The following PIEZO2 variants were observed in gnomAD, a reference collection of about 807,000 sequenced individuals.
PIEZO2 encodes the protein piezo-type mechanosensitive ion channel component 2.
In PIEZO2, 172 loss-of-function variants were observed where a neutral mutation model predicts 337.3. That is an observed-to-expected ratio of 0.51 (90% CI 0.45 to 0.58). The LOEUF (loss-of-function observed/expected upper bound fraction) is 0.58, where lower values mean the gene tolerates loss of function less well. Ranked by LOEUF, PIEZO2 falls within the 20% of genes least tolerant of loss-of-function variation. The probability of loss-of-function intolerance (pLI) is 0.00; values close to 1 mark genes in which losing one functional copy is unlikely to be tolerated. For missense variants in PIEZO2, 3,028 were observed against 3,391.3 expected, an observed-to-expected ratio of 0.89 and a Z score of 2.66; for synonymous variants, 1,251 against 1,228.5, an observed-to-expected ratio of 1.02 and a Z score of -0.38.
At chr18:10,801,950 G>A (rs2039832108) in intron 9 of PIEZO2, among the ~76,000 whole-genome samples, 2 of 151,816 alleles carry the variant, frequency 1.3e-5, no homozygotes, top group South Asian at 2.1e-4. Flanking sequence ...GCCGGGCGTC[G>A]TGGTGGGTGC....
intron 3 of PIEZO2, among the ~76,000 whole-genome samples, chr18:10,956,533 T>C (rs1285455002): frequency 2.0e-5 from 3 of 152,212 alleles, no homozygotes; most frequent in Non-Finnish European, 4.4e-5. Context: ...AAAAATTATC[T>C]TAAAATTTGT....
chr18:11,148,498 T>C lies in PIEZO2; in HGVS notation c.64+27A>G, dbSNP rs959370403. ...AGGCGCCCCCCTCGTCCTCCTCAAG[T>C]GCCCTCGGAAAGCGGACCAGACTCA... is the stretch of plus-strand genomic sequence containing the variant. On this transcript the variant is annotated intron_variant, in intron 1 of 55. Coordinates refer to ENST00000674853, the MANE Select transcript of PIEZO2 (RefSeq NM_001378183.1). This position sits in a 1 kb window ranked among gnomAD's most constrained non-coding sequence, Gnocchi z 5.2. The C allele has an allele frequency of 6.5e-7, 1 of 1,536,648 alleles. No homozygotes were observed. Among genetic ancestry groups the C allele is most frequent in the African/African-American group, 1.4e-5 (1 of 73,016 alleles).
In PIEZO2 at chr18:11,009,861, G is replaced by A. The variant is rs2035837762; in HGVS notation, c.161-30201C>T. 6.6e-6 allele frequency among the ~76,000 whole-genome samples: 1 copy of A among 152,108 alleles called. No homozygotes were observed. Among genetic ancestry groups the A allele is most frequent in the African/African-American group, 2.4e-5 (1 of 41,436 alleles). On this transcript the variant is annotated intron_variant, in intron 2 of 55. Coordinates refer to ENST00000674853, the MANE Select transcript of PIEZO2 (RefSeq NM_001378183.1). This position sits in a 1 kb window ranked among gnomAD's most constrained non-coding sequence, Gnocchi z 4.6. ...AGGCACAGAAGGGAGACCGCATGGA[G>A]ACACAAAGAGAAGACAGCCATCTGC...
chr18:10,699,729 A>C (rs1315918127), intron 43 of PIEZO2, among the ~76,000 whole-genome samples: 1 of 152,228 alleles, frequency 6.6e-6, no homozygotes, highest in East Asian at 1.9e-4. Context: ...ATTTTAGCTG[A>C]TAATTAAGAT....
rs2034306523 is a variant in PIEZO2, at chr18:10,973,114, T to C, written c.286+6421A>G. Among the ~76,000 whole-genome samples the C allele has an allele frequency of 6.6e-6, 1 of 152,240 alleles. No individual in the cohort carries two copies. The highest frequency in any genetic ancestry group is 2.4e-5 in the African/African-American group (1 of 41,470). On this transcript the variant is annotated intron_variant, in intron 3 of 55. Transcript: ENST00000674853. This position sits in a 1 kb window ranked among gnomAD's most constrained non-coding sequence, Gnocchi z 4.9. ...TGTCAGGATAAAATGAGATATTCTA[T>C]TTGAAAACTGCTGCATAAAGTGAGC...
At position 11,069,011 on chromosome 18, in the gene PIEZO2, A is replaced by G. The variant is rs2145928979; in HGVS notation, c.65-2789T>C. On this transcript the variant is annotated intron_variant, in intron 1 of 55. Coordinates refer to ENST00000674853, the MANE Select transcript of PIEZO2 (RefSeq NM_001378183.1). This position sits in a 1 kb window ranked among gnomAD's most constrained non-coding sequence, Gnocchi z 4.9. ...CTGAGCAGACTAGTAAAAAGTAAGG[A>G]GATTGGAATCGGTGATAAAAAGTCT... Among the ~76,000 whole-genome samples the G allele has an allele frequency of 6.6e-6, 1 of 152,250 alleles. No individual in the cohort carries two copies. Among genetic ancestry groups the G allele is most frequent in the South Asian group, 2.1e-4 (1 of 4,824 alleles).
Position 10,783,876 on chromosome 18 carries a change from T to G in PIEZO2, c.2492+908A>C, listed in dbSNP as rs1275936711. Among the ~76,000 whole-genome samples, 1 of 152,234 alleles carries G rather than the reference T, an allele frequency of 6.6e-6. No homozygotes were observed. The highest frequency in any genetic ancestry group is 2.4e-5 in the African/African-American group (1 of 41,466). On this transcript the variant is annotated intron_variant, in intron 17 of 55. Transcript: ENST00000674853. This position sits in a 1 kb window ranked among gnomAD's most constrained non-coding sequence, Gnocchi z 4.3. Reference sequence around the variant, plus strand: ...TTCCTACACAGCAGAACGCTGGAAGTTTGGCATTTTACGAAATGCATATCA... The same window carrying G: ...TTCCTACACAGCAGAACGCTGGAAGGTTGGCATTTTACGAAATGCATATCA...
In PIEZO2 at chr18:10,795,654, T is replaced by A. The variant is rs1185326925; in HGVS notation, c.1528-652A>T. On this transcript the variant is annotated intron_variant, in intron 12 of 55. Coordinates refer to ENST00000674853, the MANE Select transcript of PIEZO2 (RefSeq NM_001378183.1). The surrounding 1 kb of genome is among the most constrained non-coding windows in gnomAD (Gnocchi z 4.4). ...TTCTTTTTCCCAGTCTCCTCTCACATGTGGCTGTGTTCCTTACTGGAAACT... is the reference window on the plus strand; with the variant it reads ...TTCTTTTTCCCAGTCTCCTCTCACAAGTGGCTGTGTTCCTTACTGGAAACT... Among the ~76,000 whole-genome samples the A allele has an allele frequency of 1.3e-5, 2 of 152,146 alleles. No homozygotes were observed. Among genetic ancestry groups the A allele is most frequent in the African/African-American group, 4.8e-5 (2 of 41,448 alleles).
intron 36 of PIEZO2, among the ~76,000 whole-genome samples, chr18:10,729,909 A>G (rs796985488): frequency 5.9e-5 from 9 of 152,356 alleles, no homozygotes; most frequent in African/African-American, 2.2e-4. Flanking sequence ...TGTTCTCCAT[A>G]CCAGCTCAAA....
intron 7 of PIEZO2, among the ~76,000 whole-genome samples, chr18:10,844,901 A>T (rs1228032067): frequency 2.0e-5 from 3 of 152,140 alleles, no homozygotes; most frequent in Non-Finnish European, 4.4e-5. Flanking sequence ...TAATGACGGC[A>T]CTTTCTAGTC....
intron 1 of PIEZO2, among the ~76,000 whole-genome samples, chr18:11,133,714 T>C (rs1042679561): frequency 2.0e-5 from 3 of 152,026 alleles, no homozygotes; most frequent in Non-Finnish European, 4.4e-5. Context: ...TTGGACTGGC[T>C]CTCCCTGCTC....
intron 4 of PIEZO2, among the ~76,000 whole-genome samples, chr18:10,880,448 T>G (rs1282526818): frequency 6.6e-6 from 1 of 152,100 alleles, no homozygotes; most frequent in African/African-American, 2.4e-5. Flanking sequence ...GCAATGAAAT[T>G]TAGATGAGAC....
chr18:11,024,206 T>C (rs2036440258), intron 2 of PIEZO2, among the ~76,000 whole-genome samples: 1 of 152,068 alleles, frequency 6.6e-6, no homozygotes, highest in East Asian at 1.9e-4. Flanking sequence ...ACTACGATAG[T>C]GCAAAGTACT....
chr18:10,896,247 C>T (rs999650776), intron 4 of PIEZO2, among the ~76,000 whole-genome samples: 2 of 152,138 alleles, frequency 1.3e-5, no homozygotes, highest in Non-Finnish European at 2.9e-5. Flanking sequence ...TTACCTACCA[C>T]TATTTTCCTT....
intron 7 of PIEZO2, among the ~76,000 whole-genome samples, chr18:10,817,920 CAAAAA>C (rs34222546): frequency 4.7e-5 from 3 of 64,190 alleles, no homozygotes; most frequent in African/African-American, 4.9e-5. Context: ...AAGACTCTGT[CAAAAA>C]AAAAAAAAAA....
chr18:10,851,084 T>C (rs1271353460), intron 7 of PIEZO2, among the ~76,000 whole-genome samples: 1 of 151,918 alleles, frequency 6.6e-6, no homozygotes, highest in Non-Finnish European at 1.5e-5. Context: ...CACCCACCCA[T>C]GGTGATTTTC....
chr18:10,798,368 T>C (rs1334907850), intron 11 of PIEZO2, among the ~76,000 whole-genome samples: 2 of 152,292 alleles, frequency 1.3e-5, no homozygotes, highest in African/African-American at 2.4e-5. Context: ...GACTGAAAAA[T>C]CAGTGACTGT....
At chr18:11,086,399 G>A (rs1333331021) in intron 1 of PIEZO2, among the ~76,000 whole-genome samples, 1 of 151,352 alleles carries the variant, frequency 6.6e-6, no homozygotes, top group Non-Finnish European at 1.5e-5. Flanking sequence ...GGCGCCTGTA[G>A]TCCCAGCTAC....
At chr18:11,098,575 A>AC (rs1241903792) in intron 1 of PIEZO2, among the ~76,000 whole-genome samples, 1 of 148,874 alleles carries the variant, frequency 6.7e-6, no homozygotes, top group Non-Finnish European at 1.5e-5. Context: ...TGGAAACTTG[A>AC]CCCCCGGTGC....
Sources: gnomAD v4.1 joint callset for allele counts (sites outside exome capture counted in the v4.1 genomes callset) on GRCh38, gnomAD v4.1.1 for gene constraint, Gnocchi (gnomAD v3.1) non-coding constraint, MANE v1.5 for transcripts, NCBI Gene and HGNC (gene_info 2026-07-23, HGNC 2026-07-21) for gene names.